TMEM116: variants seen among roughly 807,000 people sequenced by gnomAD.
TMEM116 encodes the protein transmembrane protein 116.
In TMEM116, 38 loss-of-function variants were observed where a neutral mutation model predicts 44.3. The ratio of observed to expected loss-of-function variants is 0.86; its 90% confidence interval spans 0.66 to 1.12. TMEM116 has a LOEUF of 1.12. Ranked by LOEUF, TMEM116 falls within the 50% of genes most tolerant of loss-of-function variation. TMEM116 has a pLI of 0.00. For synonymous variants in TMEM116, 132 were observed against 144.8 expected, an observed-to-expected ratio of 0.91 and a Z score of 0.64; for missense variants, 354 against 401.7, an observed-to-expected ratio of 0.88 and a Z score of 1.01.
Position 111,937,118 on chromosome 12 carries a change from G to C in TMEM116, c.449+42C>G, listed in dbSNP as rs377119966. ...CAGCTCTATTTATAGAAACAAATAG[G>C]TGTAGTCTGCCATGAAAATTATACA... On this transcript the variant is annotated intron_variant, in intron 7 of 10. Coordinates refer to ENST00000552374, the MANE Select transcript of TMEM116 (RefSeq NM_001193531.2). 3 of 1,514,322 alleles carry C rather than the reference G, an allele frequency of 2.0e-6. No homozygotes were observed. In the African/African-American group the frequency reaches 4.1e-5, roughly 21 times the overall value. 93.8% of individuals were successfully genotyped at this position (1,514,322 alleles called of 1,614,324 possible).
At chr12:111,932,022 G>C (rs1370568815) in intron 10 of TMEM116, among the ~76,000 whole-genome samples, 195 bp from the exon 11 acceptor site, 1 of 152,124 alleles carries the variant, frequency 6.6e-6, no homozygotes, top group Non-Finnish European at 1.5e-5. Flanking sequence ...GGATGACTGA[G>C]AGTTGGTCAT....
intron 6 of TMEM116, 121 bp from the exon 7 acceptor site, chr12:111,937,364 A>G: frequency 1.3e-6 from 1 of 752,412 alleles, no homozygotes; most frequent in Non-Finnish European, 2.2e-6. Flanking sequence ...CAAATAACAC[A>G]TTTAATTTCT....
chr12:111,982,501 G>A (rs751782082), intron 4 of TMEM116, among the ~76,000 whole-genome samples: 1 of 151,994 alleles, frequency 6.6e-6, no homozygotes, highest in East Asian at 1.9e-4. Context: ...GGGTTTTACC[G>A]TGTTGTCCAG....
intron 1 of TMEM116, among the ~76,000 whole-genome samples, chr12:112,010,217 T>C (rs551852023): frequency 6.6e-6 from 1 of 152,342 alleles, no homozygotes; most frequent in Admixed American, 6.5e-5. Flanking sequence ...CTTAACTCTA[T>C]TTCCACCAGT....
At chr12:112,000,950 G>A in intron 3 of TMEM116, 1 of 384,714 alleles carries the variant, frequency 2.6e-6, no homozygotes, top group Admixed American at 3.3e-5. Flanking sequence ...CACAGAGCAG[G>A]GCTGCCTGCA....
At chr12:111,961,839 GAAAT>G (rs988254124) in intron 4 of TMEM116, among the ~76,000 whole-genome samples, 5 of 152,164 alleles carry the variant, frequency 3.3e-5, no homozygotes, top group African/African-American at 1.2e-4. Context: ...GCAAGAGAAA[GAAAT>G]AAAGCATATT....
intron 3 of TMEM116, among the ~76,000 whole-genome samples, chr12:111,995,128 G>T (rs1321913774): frequency 6.6e-6 from 1 of 152,112 alleles, no homozygotes; most frequent in Non-Finnish European, 1.5e-5. Context: ...ATGCAATTTT[G>T]TATTTACAAT....
intron 9 of TMEM116, among the ~76,000 whole-genome samples, 163 bp downstream of exon 9, chr12:111,933,723 C>T (rs1307606354): frequency 1.3e-5 from 2 of 151,394 alleles, no homozygotes; most frequent in African/African-American, 4.9e-5. Context: ...GTCTCGATCT[C>T]CTGACCTCGT....
intron 4 of TMEM116, among the ~76,000 whole-genome samples, chr12:111,979,236 C>T (rs990602449): frequency 2.0e-5 from 3 of 151,898 alleles, no homozygotes; most frequent in Non-Finnish European, 4.4e-5. Context: ...ACAACCCTCA[C>T]GTTTATGAAT....
At position 112,002,579 on chromosome 12, in the gene TMEM116, G is replaced by A. The variant is rs1403131898; in HGVS notation, c.78+1221C>T. Among the ~76,000 whole-genome samples, 7 of 146,656 alleles carry A rather than the reference G, an allele frequency of 4.8e-5. No individual in the cohort carries two copies. In the East Asian group the frequency reaches 1.0e-3, roughly 21 times the overall value. On this transcript the variant is annotated intron_variant, in intron 3 of 10. Coordinates refer to ENST00000552374, the MANE Select transcript of TMEM116 (RefSeq NM_001193531.2). ...GACTCCATCTCAAAAAAAAAAAAAA[G>A]AAAAAAAGAAAAAAGCAAAAAACCC...
intron 3 of TMEM116, chr12:111,993,221 G>GCCGGATCATTAAAAA: frequency 2.4e-6 from 1 of 415,034 alleles, no homozygotes; most frequent in Admixed American, 2.8e-5. Flanking sequence ...GTTGTGGTCT[G>GCCGGATCATTAAAAA]ACACACACTG....
intron 4 of TMEM116, among the ~76,000 whole-genome samples, chr12:111,956,949 A>C (rs548266164): frequency 6.6e-6 from 1 of 152,060 alleles, no homozygotes; most frequent in East Asian, 1.9e-4. Context: ...ATAGGAAGTG[A>C]GGAGCGTCTC....
chr12:111,958,102 C>T (rs2136360877), intron 4 of TMEM116, among the ~76,000 whole-genome samples: 2 of 151,792 alleles, frequency 1.3e-5, no homozygotes, highest in East Asian at 3.9e-4. Context: ...CATCACCACT[C>T]CCTAATCTCA....
intron 6 of TMEM116, 109 bp from the exon 7 acceptor site, chr12:111,937,352 C>T (rs1023308240): frequency 3.9e-6 from 3 of 778,078 alleles, no homozygotes; most frequent in Admixed American, 4.8e-5. Flanking sequence ...CACCAATCTC[C>T]ACAAATAACA....
At chr12:112,004,481 C>T (rs2077467716) in intron 2 of TMEM116, among the ~76,000 whole-genome samples, 1 of 152,008 alleles carries the variant, frequency 6.6e-6, no homozygotes, top group African/African-American at 2.4e-5. Flanking sequence ...GAGACAGGGT[C>T]TCGCTATGTT....
At position 111,938,169 on chromosome 12, in the gene TMEM116, A is replaced by G. The variant is rs1222259868; in HGVS notation, c.357T>C (p.Val119=). 1.9e-6 allele frequency: 3 copies of G among 1,596,904 alleles called. No individual in the cohort carries two copies. In the South Asian group the frequency reaches 3.4e-5, roughly 18 times the overall value. ...TAAAGAAAAAATTTTACCTTGAGAA[A>G]ACAAAGGCCATTTGACAAACTCGAC... ...YTCRVCQMAF[V]FSSLIPLLLM... Residue 119 remains valine (V), a synonymous_variant, in exon 6 of 11, where the codon GTT becomes GTC. Coordinates refer to ENST00000552374, the MANE Select transcript of TMEM116 (RefSeq NM_001193531.2).
rs61637468 is a variant in TMEM116, at chr12:111,958,277, T to TAA, written c.211-14910_211-14909dup. On this transcript the variant is annotated intron_variant, in intron 4 of 10. Transcript: ENST00000552374. ...ACACCCACGAATGATCAATAAATAC[T>TAA]AAAAAAAAAAAAAAAAAAAAAAAAA... 4.4e-4 allele frequency among the ~76,000 whole-genome samples: 12 copies of TAA among 27,518 alleles called. 1 individual carries two copies. The highest frequency in any genetic ancestry group is 1.0e-3 in the Non-Finnish European group (11 of 11,052). 18.1% of individuals were successfully genotyped at this position (27,518 alleles called of 152,430 possible). A position where few individuals can be genotyped will look rare whatever the true frequency, so the allele number is the denominator to read the frequency against.
At chr12:111,959,198 A>G (rs1238880451) in intron 4 of TMEM116, among the ~76,000 whole-genome samples, 1 of 152,234 alleles carries the variant, frequency 6.6e-6, no homozygotes, top group African/African-American at 2.4e-5. Flanking sequence ...AATATTCAAC[A>G]TTCTTAAAGA....
chr12:111,957,561 G>A (rs1184335381), intron 4 of TMEM116, among the ~76,000 whole-genome samples: 4 of 150,396 alleles, frequency 2.7e-5, no homozygotes, highest in South Asian at 2.1e-4. Flanking sequence ...CCAGCCAGCC[G>A]CCCCGTCTGG....
Sources: allele counts gnomAD v4.1 joint callset (sites outside exome capture counted in the v4.1 genomes callset), GRCh38; gene constraint gnomAD v4.1.1; transcripts MANE v1.5; gene names NCBI Gene and HGNC (gene_info 2026-07-23, HGNC 2026-07-21).